Variants in CNTN4 observed in about 807,000 individuals in gnomAD.
The protein encoded by CNTN4 is contactin-4.
In CNTN4, 77 loss-of-function variants were observed where a neutral mutation model predicts 122.5. That is an observed-to-expected ratio of 0.63 (90% CI 0.52 to 0.76). The LOEUF is 0.76. CNTN4 is among the 30% of genes least tolerant of loss of function. The probability of loss-of-function intolerance (pLI) is 0.00; values close to 1 mark genes in which losing one functional copy is unlikely to be tolerated. For synonymous variants in CNTN4, 512 were observed against 447.0 expected, an observed-to-expected ratio of 1.15 and a Z score of -1.83; for missense variants, 1,256 against 1,259.1, an observed-to-expected ratio of 1.00 and a Z score of 0.04.
intron 3 of CNTN4, among the ~76,000 whole-genome samples, chr3:2,429,031 G>T (rs2047955145): frequency 6.6e-6 from 1 of 152,094 alleles, no homozygotes; most frequent in African/African-American, 2.4e-5. Flanking sequence ...TCCTTCTTTT[G>T]CTCAGAGAGG....
At chr3:2,299,328 C>T (rs910935911) in intron 2 of CNTN4, among the ~76,000 whole-genome samples, 1 of 152,002 alleles carries the variant, frequency 6.6e-6, no homozygotes, top group Admixed American at 6.5e-5. Context: ...TGAAAACAAA[C>T]TCATTATTTT....
At chr3:2,571,591 A>G in intron 4 of CNTN4, 33 bp downstream of exon 4, 1 of 1,510,076 alleles carries the variant, frequency 6.6e-7, no homozygotes, top group Non-Finnish European at 9.2e-7. Context: ...TTTGATTTAG[A>G]AATGCCACTG....
intron 9 of CNTN4, among the ~76,000 whole-genome samples, chr3:2,886,413 A>T (rs2093979686): frequency 6.7e-6 from 1 of 148,604 alleles, no homozygotes; most frequent in African/African-American, 2.5e-5. Context: ...AAAAAAATAT[A>T]TTAAAAAAAA....
At chr3:3,034,915 C>T (rs2125704419) in intron 17 of CNTN4, 125 bp downstream of exon 17, 2 of 1,076,372 alleles carry the variant, frequency 1.9e-6, no homozygotes, top group Non-Finnish European at 2.9e-6. Flanking sequence ...GGCAGTGTTT[C>T]CTAAACCTCG....
chr3:2,724,166 C>T (rs1319474726), intron 4 of CNTN4, among the ~76,000 whole-genome samples: 3 of 152,116 alleles, frequency 2.0e-5, no homozygotes, highest in Non-Finnish European at 4.4e-5. Flanking sequence ...AAATCTCTGC[C>T]TAAGTTGAAT....
At chr3:2,981,773 G>A (rs1266703458) in intron 13 of CNTN4, among the ~76,000 whole-genome samples, 1 of 152,128 alleles carries the variant, frequency 6.6e-6, no homozygotes, top group Non-Finnish European at 1.5e-5. Flanking sequence ...GGCCGAGTGT[G>A]GTGGCTCACT....
intron 4 of CNTN4, among the ~76,000 whole-genome samples, chr3:2,641,641 T>G (rs1378314341): frequency 6.6e-6 from 1 of 152,190 alleles, no homozygotes; most frequent in Non-Finnish European, 1.5e-5. Context: ...TCTACATTCC[T>G]GGTTATATAT....
chr3:2,901,879 A>G (rs974012482), intron 11 of CNTN4, among the ~76,000 whole-genome samples: 1 of 152,164 alleles, frequency 6.6e-6, no homozygotes, highest in African/African-American at 2.4e-5. Flanking sequence ...CTGGTGTCTC[A>G]CTGTCTGGAT....
intron 2 of CNTN4, among the ~76,000 whole-genome samples, chr3:2,162,498 C>T (rs1478450962): frequency 6.6e-6 from 1 of 152,204 alleles, no homozygotes; most frequent in East Asian, 1.9e-4. Flanking sequence ...TGTCCCACAA[C>T]TGGAAAACCC....
At chr3:2,102,999 T>C (rs1454778003) in intron 2 of CNTN4, among the ~76,000 whole-genome samples, 3 of 152,032 alleles carry the variant, frequency 2.0e-5, no homozygotes, top group Non-Finnish European at 4.4e-5. Context: ...ACATAATGCT[T>C]ACTATTATTG....
chr3:2,486,681 G>A (rs1330367995), intron 3 of CNTN4, among the ~76,000 whole-genome samples: 4 of 152,124 alleles, frequency 2.6e-5, no homozygotes, highest in Admixed American at 2.6e-4. Context: ...ATACCAGCTT[G>A]GCTGAGTATT....
intron 3 of CNTN4, among the ~76,000 whole-genome samples, chr3:2,428,017 C>G (rs1427272585): frequency 6.6e-6 from 1 of 152,056 alleles, no homozygotes; most frequent in Non-Finnish European, 1.5e-5. Flanking sequence ...GGTCTTGACT[C>G]TTTATCCAAT....
chr3:2,773,045 G>C (rs908351598), intron 6 of CNTN4, among the ~76,000 whole-genome samples: 8 of 152,196 alleles, frequency 5.3e-5, no homozygotes, highest in African/African-American at 1.9e-4. Context: ...ATTGACTTTT[G>C]CCAGAGCGGT....
At chr3:2,988,197 A>T in intron 13 of CNTN4, 148 bp from the exon 14 acceptor site, 1 of 732,728 alleles carries the variant, frequency 1.4e-6, no homozygotes, top group Non-Finnish European at 2.4e-6. Context: ...GTGGACAAAT[A>T]CCCTAAATAA....
At chr3:2,119,224 C>T (rs2033562551) in intron 2 of CNTN4, among the ~76,000 whole-genome samples, 1 of 152,184 alleles carries the variant, frequency 6.6e-6, no homozygotes, top group Non-Finnish European at 1.5e-5. Context: ...TGTTAACCTG[C>T]CCTGCAGATT....
At chr3:2,977,748 T>A (rs1693563321) in intron 13 of CNTN4, among the ~76,000 whole-genome samples, 1 of 152,154 alleles carries the variant, frequency 6.6e-6, no homozygotes, top group Non-Finnish European at 1.5e-5. Flanking sequence ...TTAAACAGTT[T>A]CCCTATAAAA....
At chr3:2,489,820 A>G (rs924948611) in intron 3 of CNTN4, among the ~76,000 whole-genome samples, 20 of 152,050 alleles carry the variant, frequency 1.3e-4, no homozygotes, top group African/African-American at 1.4e-4. Context: ...CTCCCTTCCA[A>G]CATTCTCTGT....
rs141086682 is a variant in CNTN4 at position 2,296,960 on chromosome 3, A to T, written c.-144-42218A>T. On this transcript the variant is annotated intron_variant, in intron 2 of 24. Transcript: ENST00000418658. ...ATTTTCTTCTGAAAAGAACTAGGTG[A>T]CATTAAAGAAGTCTGGATAGAGGAA... Among the ~76,000 whole-genome samples the T allele has an allele frequency of 4.0e-3, 611 of 152,288 alleles. 6 individuals are homozygous for T. The highest frequency in any genetic ancestry group is 0.014 in the African/African-American group (591 of 41,566).
rs570480748 is a variant in CNTN4, at chr3:2,117,851, A to T, written c.-145+17212A>T. ...GACATTCTGGATGATTTATTTATTT[A>T]ACAATGTGTCCCACATCACCCAGAT... On this transcript the variant is annotated intron_variant, in intron 2 of 24. Coordinates refer to ENST00000418658, the MANE Select transcript of CNTN4 (RefSeq NM_175607.3). Among the ~76,000 whole-genome samples, 155 of 152,328 alleles carry T rather than the reference A, an allele frequency of 1.0e-3. 2 individuals carry two copies. In the South Asian group the frequency reaches 0.01, roughly 10 times the overall value.
Sources: gnomAD v4.1 joint callset for allele counts (sites outside exome capture counted in the v4.1 genomes callset) on GRCh38, gnomAD v4.1.1 for gene constraint, MANE v1.5 for transcripts, NCBI Gene and HGNC (gene_info 2026-07-23, HGNC 2026-07-21) for gene names.